The following MAX variants were observed in gnomAD, a reference collection of about 807,000 sequenced individuals.
MAX encodes protein max.
A neutral mutation model predicts 22.3 loss-of-function variants in MAX; 3 were observed. That is an observed-to-expected ratio of 0.13 (90% CI 0.06 to 0.35). The LOEUF (loss-of-function observed/expected upper bound fraction) is 0.35. Ranked by LOEUF, MAX falls within the 10% of genes least tolerant of loss-of-function variation. MAX has a pLI of 1.00. For missense variants in MAX, 119 were observed against 209.4 expected (o/e 0.57, Z 2.66); for synonymous variants, 72 against 77.7 (o/e 0.93, Z 0.39).
Position 65,010,357 on chromosome 14 carries a change from G to A in MAX, c.172-4073C>T, listed in dbSNP as rs2061664067. 3.3e-5 allele frequency among the ~76,000 whole-genome samples: 5 copies of A among 152,100 alleles called. No individual in the cohort carries two copies. The South Asian group carries it at 8.3e-4, about 25-fold the overall frequency. ...TCACTTGTGTGCAGACAAATGCTTC[G>A]TAGTCTGTGTGTGTAACCTGAATCC... On this transcript the variant is annotated intron_variant, in intron 3 of 3. Transcript: ENST00000341653.
At position 65,076,213 on chromosome 14, in the gene MAX, TG is replaced by T; in HGVS notation, c.*262del. 7.1e-7 allele frequency: 1 copy of T among 1,415,658 alleles called. No homozygotes were observed. The highest frequency in any genetic ancestry group is 9.2e-7 in the Non-Finnish European group (1 of 1,089,648). 87.7% of individuals were successfully genotyped at this position (1,415,658 alleles called of 1,614,324 possible). ...TCCTCCACAGAAAAAGCTGCCAAGT[TG>T]GGGTGTTTTGGTTTAAAAATTCCTG... On this transcript the variant is annotated 3_prime_UTR_variant, in exon 5 of 5. Transcript: ENST00000358664. This position sits in a 1 kb window ranked among gnomAD's most constrained non-coding sequence, Gnocchi z 6.6.
intron 3 of MAX, among the ~76,000 whole-genome samples, chr14:65,067,916 A>G (rs1389188520): frequency 6.6e-6 from 1 of 151,654 alleles, no homozygotes; most frequent in East Asian, 1.9e-4. Flanking sequence ...TACAGGCATG[A>G]GCCACCGTGC....
In MAX at chr14:65,076,704, A is replaced by G; in HGVS notation, c.296-41T>C. 1 of 1,613,320 alleles carries G rather than the reference A, an allele frequency of 6.2e-7. No homozygotes were observed. Among genetic ancestry groups the G allele is most frequent in the Middle Eastern group, 1.6e-4 (1 of 6,062 alleles). ...GGGAGTGTGTTACTGCCTTCTGGAG[A>G]CTTGGGGAGTAACCGAGTCTCAGAC... On this transcript the variant is annotated intron_variant, in intron 4 of 4. Coordinates refer to ENST00000358664, the MANE Select transcript of MAX (RefSeq NM_002382.5). The surrounding 1 kb of genome is among the most constrained non-coding windows in gnomAD (Gnocchi z 6.6).
At chr14:65,068,392 G>T (rs767283091) in intron 3 of MAX, among the ~76,000 whole-genome samples, 3 of 152,166 alleles carry the variant, frequency 2.0e-5, no homozygotes, top group Non-Finnish European at 4.4e-5. Flanking sequence ...CTGAGATTGT[G>T]CCACTGCACT....
intron 2 of MAX, among the ~76,000 whole-genome samples, chr14:65,095,305 A>G (rs1369177016): frequency 6.6e-6 from 1 of 152,174 alleles, no homozygotes; most frequent in Non-Finnish European, 1.5e-5. Context: ...GAGCACTTCT[A>G]AAGTTGTCCT....
downstream of MAX, among the ~76,000 whole-genome samples, chr14:65,071,283 A>G (rs114326089): frequency 6.9e-3 from 1,046 of 152,194 alleles, 8 homozygotes; most frequent in African/African-American, 0.024. This position sits in a 1 kb window ranked among gnomAD's most constrained non-coding sequence, Gnocchi z 4.2. Flanking sequence ...CTGGGACCAC[A>G]GGCATGCAAC....
rs1304200825 is a variant in MAX, at chr14:65,009,872, C to T, written c.172-3588G>A. ...TGATCACAGCGTTTATTGGACAGGG[C>T]TCTGCTTGTCATTTTCACATGTGTG... On this transcript the variant is annotated intron_variant, in intron 3 of 3. Transcript: ENST00000341653. This position sits in a 1 kb window ranked among gnomAD's most constrained non-coding sequence, Gnocchi z 4.2. Among the ~76,000 whole-genome samples, 13 of 152,148 alleles carry T rather than the reference C, an allele frequency of 8.5e-5. No homozygotes were observed. Among genetic ancestry groups the T allele is most frequent in the Admixed American group, 7.9e-4 (12 of 15,266 alleles).
intron 3 of MAX, among the ~76,000 whole-genome samples, chr14:65,026,675 G>A (rs1358966020): frequency 6.6e-6 from 1 of 152,094 alleles, no homozygotes; most frequent in African/African-American, 2.4e-5. Context: ...AGCCTGGCCA[G>A]CATGGTGAAA....
In MAX at chr14:65,099,031, C is replaced by CT. The variant is rs1269521905; in HGVS notation, c.63+2514dup. On this transcript the variant is annotated intron_variant, in intron 2 of 4. Transcript: ENST00000358664. ...GTATTTGGTTGTTCACAGTCCACAT[C>CT]TTTTTTTAAACCTTTTTTCTAAGGC... Among the ~76,000 whole-genome samples the CT allele has an allele frequency of 2.0e-5, 3 of 152,114 alleles. No individual in the cohort carries two copies. In the East Asian group the frequency reaches 5.8e-4, roughly 29 times the overall value.
intron 3 of MAX, among the ~76,000 whole-genome samples, chr14:65,016,342 T>G (rs1043385420): frequency 6.6e-6 from 1 of 152,152 alleles, no homozygotes; most frequent in South Asian, 2.1e-4. Context: ...CATTTATATA[T>G]TAAAGAAGAA....
At chr14:65,034,307 A>G (rs2062145757) in intron 3 of MAX, among the ~76,000 whole-genome samples, 1 of 152,198 alleles carries the variant, frequency 6.6e-6, no homozygotes, top group African/African-American at 2.4e-5. Context: ...CCTTCGTTGA[A>G]GTCCCTGTCC....
In MAX at chr14:65,012,186, T is replaced by G; in HGVS notation, c.172-5902A>C. ...TCTTTGGAACCAGAGAAGTTGCTGG[T>G]TATCCAGTCAGTGATTGCAGGGGGA... On this transcript the variant is annotated intron_variant, in intron 3 of 3. Transcript: ENST00000341653. The surrounding 1 kb of genome is among the most constrained non-coding windows in gnomAD (Gnocchi z 5.0). 9.2e-7 allele frequency: 1 copy of G among 1,091,546 alleles called. No homozygotes were observed. 67.6% of individuals were successfully genotyped at this position (1,091,546 alleles called of 1,614,324 possible).
At chr14:65,083,219 G>C (rs1234714693) in intron 3 of MAX, among the ~76,000 whole-genome samples, 2 of 152,106 alleles carry the variant, frequency 1.3e-5, no homozygotes, top group Admixed American at 6.5e-5. Context: ...CTCTGCTTTT[G>C]AACAGCATCC....
chr14:65,063,661 C>T (rs955045007), intron 3 of MAX, among the ~76,000 whole-genome samples: 1 of 152,168 alleles, frequency 6.6e-6, no homozygotes, highest in Non-Finnish European at 1.5e-5. Flanking sequence ...ACCTCCTGGG[C>T]TCAGAAGATC....
chr14:65,044,551 A>G lies in MAX; in HGVS notation c.172-38267T>C, dbSNP rs538376680. The G allele has an allele frequency of 4.9e-5, 73 of 1,481,786 alleles. No homozygotes were observed. The African/African-American group carries it at 7.1e-4, about 14-fold the overall frequency. The allele number at this position is 1,481,786 out of a possible 1,614,324, so 91.8% of individuals were successfully genotyped here. Reference sequence around the variant, plus strand: ...AGAGGGGTTGAAATGAGCTCTGTCTATCCTGGATTTTGAGTGCCCAGTGTG... The same window carrying G: ...AGAGGGGTTGAAATGAGCTCTGTCTGTCCTGGATTTTGAGTGCCCAGTGTG... On this transcript the variant is annotated intron_variant, in intron 3 of 3. Coordinates refer to the MAX transcript ENST00000341653. The surrounding 1 kb of genome is among the most constrained non-coding windows in gnomAD (Gnocchi z 5.5).
rs200520043 is a variant in MAX, at chr14:65,053,048, CAT to C, written c.171+40658_171+40659del. On this transcript the variant is annotated intron_variant, in intron 3 of 3. Transcript: ENST00000341653. Reference sequence around the variant, plus strand: ...CACTTTGAATTGCTGCTCTTTGACACATGTCAAAGTTCAGGAGAAGGGACATG... The same window carrying C: ...CACTTTGAATTGCTGCTCTTTGACACGTCAAAGTTCAGGAGAAGGGACATG... The C allele has an allele frequency of 1.9e-3, 738 of 383,642 alleles. 5 individuals carry two copies. Among genetic ancestry groups the C allele is most frequent in the African/African-American group, 8.9e-3 (430 of 48,354 alleles). The allele number at this position is 383,642 out of a possible 1,614,324, so 23.8% of individuals were successfully genotyped here.
At chr14:65,085,440 T>G (rs926022381) in intron 3 of MAX, among the ~76,000 whole-genome samples, 3 of 152,236 alleles carry the variant, frequency 2.0e-5, no homozygotes, top group Admixed American at 2.0e-4. Flanking sequence ...GTAATCAATC[T>G]CTATCCTTCC....
chr14:65,046,489 T>C (rs1276279397), intron 3 of MAX, among the ~76,000 whole-genome samples: 1 of 152,212 alleles, frequency 6.6e-6, no homozygotes, highest in Non-Finnish European at 1.5e-5. Flanking sequence ...TGGTTAATTG[T>C]TTCTTGTAGC....
rs995447151 is a variant in MAX at position 65,035,900 on chromosome 14, C to T, written c.172-29616G>A. Among the ~76,000 whole-genome samples the T allele has an allele frequency of 5.3e-5, 8 of 151,870 alleles. No homozygotes were observed. In the East Asian group the frequency reaches 5.8e-4, roughly 11 times the overall value. ...TGGCTGGATTGCAGTGATATGATCACGGCTCACTGCAGCCTTGACCTCCTG... is the reference window on the plus strand; with the variant it reads ...TGGCTGGATTGCAGTGATATGATCATGGCTCACTGCAGCCTTGACCTCCTG... On this transcript the variant is annotated intron_variant, in intron 3 of 3. Transcript: ENST00000341653.
Sources: allele counts gnomAD v4.1 joint callset (sites outside exome capture counted in the v4.1 genomes callset), GRCh38; gene constraint gnomAD v4.1.1; non-coding constraint Gnocchi (gnomAD v3.1); transcripts MANE v1.5; gene names NCBI Gene and HGNC (gene_info 2026-07-23, HGNC 2026-07-21).